Variants in AGBL1 observed in about 807,000 individuals in gnomAD.
AGBL1 encodes the protein AGBL carboxypeptidase 1.
Under a neutral mutation model 118.9 loss-of-function variants are expected in AGBL1, and 130 were observed. The ratio of observed to expected loss-of-function variants is 1.09; its 90% CI spans 0.95 to 1.26. The LOEUF is 1.26. AGBL1 is among the 50% of genes most tolerant of loss of function. The pLI is 0.00. For synonymous variants in AGBL1, 555 were observed against 478.9 expected (o/e 1.16, Z -2.08); for missense variants, 1,584 against 1,298.1 (o/e 1.22, Z -3.38).
At chr15:86,809,426 G>A (rs967817494) in intron 22 of AGBL1, among the ~76,000 whole-genome samples, 2 of 152,122 alleles carry the variant, frequency 1.3e-5, no homozygotes, top group Non-Finnish European at 1.5e-5. Flanking sequence ...TATATGCTGA[G>A]CTATTCCATA....
At chr15:86,090,503 T>G (rs1423630503) in intron 1 of AGBL1, among the ~76,000 whole-genome samples, 1 of 152,192 alleles carries the variant, frequency 6.6e-6, no homozygotes, top group African/African-American at 2.4e-5. Context: ...TGCTATTCAA[T>G]TTGCTTTTCC....
At chr15:86,695,102 G>A (rs565115360) in intron 22 of AGBL1, among the ~76,000 whole-genome samples, 1 of 151,934 alleles carries the variant, frequency 6.6e-6, no homozygotes, top group Non-Finnish European at 1.5e-5. Context: ...GGTGATGCTG[G>A]CTTCTTTGAT....
At chr15:86,344,496 A>G (rs2080507121) in intron 17 of AGBL1, among the ~76,000 whole-genome samples, 1 of 152,006 alleles carries the variant, frequency 6.6e-6, no homozygotes, top group African/African-American at 2.4e-5. Context: ...GCCATGTAGG[A>G]TAGCCTTGAG....
chr15:86,203,140 T>A (rs576683070), intron 5 of AGBL1, among the ~76,000 whole-genome samples: 7 of 152,242 alleles, frequency 4.6e-5, no homozygotes, highest in African/African-American at 1.7e-4. Context: ...ATGATGCTAA[T>A]CACCATAAAA....
rs1016312200 is a variant in AGBL1, at chr15:86,896,244, C to T, written c.3159-10843C>T. ...CAAATGGGTCATAATATTTCAAGTTCGTGAGTGTCTGCTTTTGCTGCTTTT... is the reference window on the plus strand; with the variant it reads ...CAAATGGGTCATAATATTTCAAGTTTGTGAGTGTCTGCTTTTGCTGCTTTT... On this transcript the variant is annotated intron_variant, in intron 22 of 22. Coordinates refer to ENST00000614907, the MANE Select transcript of AGBL1 (RefSeq NM_001386094.1). 4.0e-5 allele frequency among the ~76,000 whole-genome samples: 6 copies of T among 151,888 alleles called. No homozygotes were observed. The South Asian group carries it at 6.2e-4, about 16-fold the overall frequency.
intron 18 of AGBL1, among the ~76,000 whole-genome samples, chr15:86,505,849 A>G (rs1176740817): frequency 6.6e-6 from 1 of 151,900 alleles, no homozygotes. Context: ...TTAATATCTC[A>G]TAAATTTTTT....
At position 86,265,107 on chromosome 15, in the gene AGBL1, G is replaced by A. The variant is rs138128263; in HGVS notation, c.1667+269G>A. ...TACAACTCCTTATCCTATCTCCATTGCAAACCACTATCACAAAGAAAGATC... is the reference window on the plus strand; with the variant it reads ...TACAACTCCTTATCCTATCTCCATTACAAACCACTATCACAAAGAAAGATC... On this transcript the variant is annotated intron_variant, in intron 11 of 22. Transcript: ENST00000614907. Among the ~76,000 whole-genome samples, 597 of 152,278 alleles carry A rather than the reference G, an allele frequency of 3.9e-3. 4 individuals are homozygous for A. The highest frequency in any genetic ancestry group is 0.013 in the African/African-American group (554 of 41,558).
chr15:86,590,166 TAGGTTGTATTGGTAAAACAC>T (rs999972577), intron 21 of AGBL1, among the ~76,000 whole-genome samples: 3 of 152,152 alleles, frequency 2.0e-5, no homozygotes, highest in African/African-American at 4.8e-5. Context: ...TGGCCAAAAA[TAGGTTGTATTGGTAAAACAC>T]ATTATGGGAG....
intron 23 of AGBL1, among the ~76,000 whole-genome samples, chr15:86,945,723 T>C (rs530400356): frequency 8.5e-5 from 13 of 152,282 alleles, no homozygotes; most frequent in African/African-American, 3.1e-4. Context: ...GGTTGACTCA[T>C]TGAATAGTAG....
chr15:86,185,233 G>C (rs536299061), intron 5 of AGBL1, among the ~76,000 whole-genome samples: 16 of 152,204 alleles, frequency 1.1e-4, no homozygotes, highest in Non-Finnish European at 2.1e-4. Context: ...TTAGAATGGC[G>C]ATCATTAAAA....
intron 23 of AGBL1, among the ~76,000 whole-genome samples, chr15:86,963,821 C>A (rs1312112665): frequency 6.6e-6 from 1 of 151,848 alleles, no homozygotes; most frequent in Admixed American, 6.6e-5. Flanking sequence ...TCCTAGTGGA[C>A]GAGTGTCTGA....
intron 22 of AGBL1, among the ~76,000 whole-genome samples, chr15:86,906,820 C>G (rs978275967): frequency 6.6e-6 from 1 of 152,146 alleles, no homozygotes; most frequent in Non-Finnish European, 1.5e-5. Flanking sequence ...ACTTTCCCCC[C>G]CAAGCCTCAA....
At chr15:86,138,064 G>T (rs2076912736) in intron 1 of AGBL1, among the ~76,000 whole-genome samples, 1 of 151,976 alleles carries the variant, frequency 6.6e-6, no homozygotes, top group African/African-American at 2.4e-5. Context: ...TAAAATATAT[G>T]GATTATCTAT....
At chr15:86,973,037 C>A (rs1337412306) in intron 23 of AGBL1, among the ~76,000 whole-genome samples, 1 of 151,834 alleles carries the variant, frequency 6.6e-6, no homozygotes, top group Admixed American at 6.6e-5. Context: ...GGTTGTGTGA[C>A]CTTTGGTGAA....
chr15:86,919,911 G>A (rs368412916), downstream of AGBL1, among the ~76,000 whole-genome samples: 1 of 152,146 alleles, frequency 6.6e-6, no homozygotes, highest in South Asian at 2.1e-4. Flanking sequence ...GGGCTGCCTG[G>A]CCCACTCTGC....
intron 5 of AGBL1, among the ~76,000 whole-genome samples, chr15:86,202,428 A>G (rs1026690747): frequency 6.6e-6 from 1 of 152,184 alleles, no homozygotes; most frequent in Non-Finnish European, 1.5e-5. Flanking sequence ...TCCTTGTGCT[A>G]TAGAGATCAG....
At chr15:86,093,230 G>C (rs1896148166) in intron 1 of AGBL1, among the ~76,000 whole-genome samples, 1 of 152,128 alleles carries the variant, frequency 6.6e-6, no homozygotes, top group African/African-American at 2.4e-5. Flanking sequence ...TCTTCTGGGT[G>C]ACCCAGAAAA....
intron 22 of AGBL1, among the ~76,000 whole-genome samples, chr15:86,715,050 C>T (rs1427498539): frequency 1.3e-5 from 2 of 152,198 alleles, no homozygotes; most frequent in Non-Finnish European, 2.9e-5. Flanking sequence ...CTCCCTGCCC[C>T]CAGCACTTTT....
intron 21 of AGBL1, among the ~76,000 whole-genome samples, chr15:86,581,344 C>T (rs2084169558): frequency 6.6e-6 from 1 of 151,968 alleles, no homozygotes; most frequent in African/African-American, 2.4e-5. Context: ...TTGATAGGTC[C>T]CTTCTTACTT....
Sources: allele counts gnomAD v4.1 joint callset (sites outside exome capture counted in the v4.1 genomes callset), GRCh38; gene constraint gnomAD v4.1.1; transcripts MANE v1.5; gene names NCBI Gene and HGNC (gene_info 2026-07-23, HGNC 2026-07-21).